The following TMEM233 variants were observed in gnomAD, a reference collection of about 807,000 sequenced individuals.
The protein encoded by TMEM233 is dispanin subfamily B member 2.
Under a neutral mutation model 11.2 loss-of-function variants are expected in TMEM233, and 6 were observed. That is an observed-to-expected ratio of 0.54 (90% CI 0.29 to 1.06). The LOEUF (loss-of-function observed/expected upper bound fraction) is 1.06. Among genes scored for constraint, TMEM233 ranks in the 50% least tolerant of loss-of-function variants. TMEM233 has a pLI of 0.08. For missense variants in TMEM233, 127 were observed against 144.7 expected, an observed-to-expected ratio of 0.88 and a Z score of 0.63; for synonymous variants, 59 against 55.8, an observed-to-expected ratio of 1.06 and a Z score of -0.26.
At position 119,594,746 on chromosome 12, in the gene TMEM233, T is replaced by C. The variant is rs1953999722; in HGVS notation, c.186+712T>C. On this transcript the variant is annotated intron_variant, in intron 1 of 2. Transcript: ENST00000426426. The surrounding 1 kb of genome is among the most constrained non-coding windows in gnomAD (Gnocchi z 5.6). ...GCCCCCTTTTTAACGCGCCCGAGGC[T>C]GGCTCACACCCACTACCTCTTTAGG... is the stretch of plus-strand genomic sequence containing the variant. Among the ~76,000 whole-genome samples, 1 of 152,182 alleles carries C rather than the reference T, an allele frequency of 6.6e-6. No homozygotes were observed. Among genetic ancestry groups the C allele is most frequent in the African/African-American group, 2.4e-5 (1 of 41,450 alleles).
At chr12:119,630,533 T>C (rs1285979544) in intron 2 of TMEM233, among the ~76,000 whole-genome samples, 1 of 152,218 alleles carries the variant, frequency 6.6e-6, no homozygotes, top group Non-Finnish European at 1.5e-5. Flanking sequence ...ATAGACAATA[T>C]AGAAATGAAC....
rs1953989443 is a variant in TMEM233 at position 119,594,442 on chromosome 12, T to G, written c.186+408T>G. 5.7e-6 allele frequency: 1 copy of G among 176,808 alleles called. No individual in the cohort carries two copies. The highest frequency in any genetic ancestry group is 1.2e-5 in the Non-Finnish European group (1 of 83,770). The allele number at this position is 176,808 out of a possible 1,614,324, so 11.0% of individuals were successfully genotyped here. On this transcript the variant is annotated intron_variant, in intron 1 of 2. Coordinates refer to ENST00000426426, the MANE Select transcript of TMEM233 (RefSeq NM_001136534.3). The surrounding 1 kb of genome is among the most constrained non-coding windows in gnomAD (Gnocchi z 5.6). ...CGCCACCCTAGCGAGCGCAGTAAGC[T>G]CATACCCCGAGCATGCAGGCTCTAC...
At chr12:119,610,518 C>T (rs929557658) in intron 1 of TMEM233, among the ~76,000 whole-genome samples, 2 of 152,048 alleles carry the variant, frequency 1.3e-5, no homozygotes, top group Admixed American at 1.3e-4. Flanking sequence ...TTCCATAAGC[C>T]CCACCTGTCA....
chr12:119,637,846 AT>A (rs1954999172), intron 2 of TMEM233, among the ~76,000 whole-genome samples: 1 of 152,220 alleles, frequency 6.6e-6, no homozygotes, highest in Non-Finnish European at 1.5e-5. Flanking sequence ...CTCACTAGTA[AT>A]CAAGAAAGCA....
In TMEM233 at chr12:119,629,732, C is replaced by A. The variant is rs1368390400; in HGVS notation, c.187-4C>A. 5 of 1,549,444 alleles carry A rather than the reference C, an allele frequency of 3.2e-6. No individual in the cohort carries two copies. Among genetic ancestry groups the A allele is most frequent in the Non-Finnish European group, 4.4e-6 (5 of 1,146,154 alleles). On this transcript the variant is annotated splice_polypyrimidine_tract_variant and splice_region_variant and intron_variant, in intron 1 of 2. Transcript: ENST00000426426. ...ATCACCAGCTCTTCCCTTCTGTCCC[C>A]CAGTCTCTGAACAGCTACAACGATG...
intron 1 of TMEM233, among the ~76,000 whole-genome samples, chr12:119,611,174 A>G (rs536843716): frequency 2.4e-4 from 37 of 152,152 alleles, no homozygotes; most frequent in African/African-American, 8.4e-4. Flanking sequence ...TATGTTTTCA[A>G]TTTTCTTTGG....
intron 2 of TMEM233, 91 bp downstream of exon 2, chr12:119,629,963 G>A (rs1954847084): frequency 7.3e-7 from 1 of 1,364,162 alleles, no homozygotes; most frequent in Non-Finnish European, 9.8e-7. Flanking sequence ...TTATGCTCCA[G>A]TAACAACCCC....
chr12:119,611,191 G>A (rs1455475952), intron 1 of TMEM233, among the ~76,000 whole-genome samples: 1 of 136,904 alleles, frequency 7.3e-6, no homozygotes, highest in Non-Finnish European at 1.6e-5. Flanking sequence ...TTGGTGTAGA[G>A]CTAGGAGTGG....
At chr12:119,604,923 A>G (rs757151576) in intron 1 of TMEM233, among the ~76,000 whole-genome samples, 7 of 151,700 alleles carry the variant, frequency 4.6e-5, no homozygotes, top group Non-Finnish European at 1.0e-4. Context: ...ATGAGACACC[A>G]TGCCTGGCTA....
downstream of TMEM233, among the ~76,000 whole-genome samples, chr12:119,647,060 A>C (rs959823006): frequency 2.6e-5 from 4 of 151,608 alleles, no homozygotes; most frequent in Non-Finnish European, 5.9e-5. Flanking sequence ...TAAAACTCAA[A>C]CTTTCTTTTT....
At position 119,640,581 on chromosome 12, in the gene TMEM233, CAACATGTGTTT is replaced by C. The variant is rs1210200946; in HGVS notation, c.324-114_324-104del. 6 of 1,145,040 alleles carry C rather than the reference CAACATGTGTTT, an allele frequency of 5.2e-6. No individual in the cohort carries two copies. The Admixed American group carries it at 1.2e-4, about 23-fold the overall frequency. The allele number at this position is 1,145,040 out of a possible 1,614,324, so 70.9% of individuals were successfully genotyped here. ...AGTGTGCACGCAGGCTGGTACATTT[CAACATGTGTTT>C]AACCAGAGTCATCATCATCAAATAA... On this transcript the variant is annotated intron_variant, in intron 2 of 2. Transcript: ENST00000426426.
intron 1 of TMEM233, among the ~76,000 whole-genome samples, chr12:119,598,499 G>T (rs1285182023): frequency 6.6e-6 from 1 of 152,158 alleles, no homozygotes; most frequent in Non-Finnish European, 1.5e-5. Context: ...GTGGGGATTT[G>T]CCCTTTATTG....
At position 119,640,844 on chromosome 12, in the gene TMEM233, G is replaced by T; in HGVS notation, c.*139G>T. The T allele has an allele frequency of 1.5e-6, 1 of 665,816 alleles. No individual in the cohort carries two copies. 41.2% of individuals were successfully genotyped at this position (665,816 alleles called of 1,614,324 possible). Reference sequence around the variant, plus strand: ...AGGACTCTCCAGAGGCAGGTCCCTGGCAAATGAACAAGAAAAAAAAAAAAA... The same window carrying T: ...AGGACTCTCCAGAGGCAGGTCCCTGTCAAATGAACAAGAAAAAAAAAAAAA... On this transcript the variant is annotated 3_prime_UTR_variant, in exon 3 of 3. Transcript: ENST00000426426.
rs1216906511 is a variant in TMEM233, at chr12:119,600,209, TG to T, written c.186+6176del. On this transcript the variant is annotated intron_variant, in intron 1 of 2. Transcript: ENST00000426426. The stretch of plus-strand genomic sequence containing the variant: ...GCAGTTTACAAAAAAAAAAAAAAAA[TG>T]AAGTATAAGGTAACAAATAATACAA... Among the ~76,000 whole-genome samples the T allele has an allele frequency of 5.7e-5, 7 of 122,122 alleles. No individual in the cohort carries two copies. In the East Asian group the frequency reaches 1.7e-3, roughly 30 times the overall value. 80.1% of individuals were successfully genotyped at this position (122,122 alleles called of 152,430 possible). A position where few individuals can be genotyped will look rare whatever the true frequency, so the allele number is the denominator to read the frequency against.
chr12:119,645,450 C>T (rs1444481514), downstream of TMEM233, among the ~76,000 whole-genome samples: 1 of 151,994 alleles, frequency 6.6e-6, no homozygotes, highest in African/African-American at 2.4e-5. Flanking sequence ...TGTCCCTGCA[C>T]CAAAACACTT....
chr12:119,644,548 G>A (rs1391401074), downstream of TMEM233, among the ~76,000 whole-genome samples: 4 of 141,118 alleles, frequency 2.8e-5, no homozygotes, highest in African/African-American at 1.1e-4. Flanking sequence ...CACGATCTCT[G>A]CTCACTGCAA....
chr12:119,653,031 C>T, the TMEM233 span, among the ~76,000 whole-genome samples: 1 of 152,238 alleles, frequency 6.6e-6, no homozygotes, highest in East Asian at 1.9e-4. Context: ...CAAAACTCAA[C>T]AATTTTCTGA....
intron 2 of TMEM233, among the ~76,000 whole-genome samples, chr12:119,633,654 A>G (rs1185468157): frequency 6.6e-6 from 1 of 151,838 alleles, no homozygotes; most frequent in Non-Finnish European, 1.5e-5. Context: ...ATGTAGGGGC[A>G]AGAGAGAGAG....
intron 1 of TMEM233, among the ~76,000 whole-genome samples, chr12:119,604,968 C>T (rs1439303148): frequency 6.7e-6 from 1 of 148,870 alleles, no homozygotes; most frequent in Non-Finnish European, 1.5e-5. Context: ...CGTAGCCAAA[C>T]TTTTGCTAAT....
Sources: allele counts gnomAD v4.1 joint callset (sites outside exome capture counted in the v4.1 genomes callset), GRCh38; gene constraint gnomAD v4.1.1; non-coding constraint Gnocchi (gnomAD v3.1); transcripts MANE v1.5; gene names NCBI Gene and HGNC (gene_info 2026-07-23, HGNC 2026-07-21).